DRC3: variants seen among roughly 807,000 people sequenced by gnomAD.
The protein encoded by DRC3 is leucine rich repeat containing 48.
In DRC3, 45 loss-of-function variants were observed where a neutral mutation model predicts 57.6. That is an observed-to-expected ratio of 0.78 (90% CI 0.62 to 1.00). DRC3 has a LOEUF of 1.00. DRC3 is among the 50% of genes least tolerant of loss of function. DRC3 has a pLI of 0.00. For synonymous variants in DRC3, 257 were observed against 272.3 expected, an observed-to-expected ratio of 0.94 and a Z score of 0.55; for missense variants, 655 against 675.2, an observed-to-expected ratio of 0.97 and a Z score of 0.33.
At chr17:17,983,144 A>G (rs1352253244) in intron 3 of DRC3, among the ~76,000 whole-genome samples, 1 of 152,196 alleles carries the variant, frequency 6.6e-6, no homozygotes, top group African/African-American at 2.4e-5. Context: ...TGGTCCTCAC[A>G]GGCCACAGGG....
intron 11 of DRC3, chr17:18,006,776 A>C: frequency 2.1e-6 from 1 of 486,574 alleles, no homozygotes; most frequent in East Asian, 4.1e-5. Flanking sequence ...GTTAACCCAG[A>C]GGCCAGGAGC....
intron 5 of DRC3, chr17:17,988,370 T>C (rs933114804): frequency 6.6e-6 from 3 of 452,192 alleles, no homozygotes; most frequent in Non-Finnish European, 1.2e-5. Flanking sequence ...TAACAAACAT[T>C]TGCTGAGGTA....
At chr17:17,994,174 T>G in intron 6 of DRC3, 125 bp from the exon 7 acceptor site, 1 of 1,297,396 alleles carries the variant, frequency 7.7e-7, no homozygotes, top group Non-Finnish European at 1.0e-6. Flanking sequence ...ACAGCCTTCA[T>G]GCAGGCCCCT....
At chr17:17,977,374 TG>T in intron 2 of DRC3, 1 of 565,614 alleles carries the variant, frequency 1.8e-6, no homozygotes, top group Non-Finnish European at 3.1e-6. Flanking sequence ...TGAAACCCTG[TG>T]GACAGGCCCA....
At position 17,988,082 on chromosome 17, in the gene DRC3, T is replaced by C. The variant is rs749226818; in HGVS notation, c.428T>C (p.Ile143Thr). The C allele has an allele frequency of 1.2e-5, 19 of 1,613,680 alleles. No homozygotes were observed. The Admixed American group carries it at 1.3e-4, about 11-fold the overall frequency. ...LQVLSLGNNRIDNMMNIIYLR... is the reference protein window; with the variant it reads ...LQVLSLGNNRTDNMMNIIYLR... ...GTGTTGTCGCTGGGCAACAACCGGA[T>C]TGACAACATGATGAACGTGAGTGGC... Residue 143 changes from isoleucine to threonine, a missense_variant, in exon 5 of 14, where the codon ATT becomes ACT. By Grantham distance (89) the Ile-to-Thr change is moderately conservative. Coordinates refer to ENST00000399187, the MANE Select transcript of DRC3 (RefSeq NM_031294.4).
chr17:18,010,197 C>T (rs547053734), intron 12 of DRC3, among the ~76,000 whole-genome samples: 1 of 152,338 alleles, frequency 6.6e-6, no homozygotes, highest in African/African-American at 2.4e-5. Flanking sequence ...TCCGCGTTGG[C>T]TTGTCCCTGC....
chr17:18,000,961 A>G (rs945584498), intron 9 of DRC3, among the ~76,000 whole-genome samples: 4 of 152,052 alleles, frequency 2.6e-5, no homozygotes, highest in Admixed American at 6.6e-5. Context: ...AGTGCAGTGC[A>G]CCATTATAGC....
rs757821017 is a variant in DRC3, at chr17:17,997,579, A to T, written c.944A>T (p.Glu315Val). 2.5e-6 allele frequency: 4 copies of T among 1,611,238 alleles called. No individual in the cohort carries two copies. The East Asian group carries it at 6.7e-5, about 27-fold the overall frequency. The change falls in exon 9 of 14, where the codon GAA (glutamate) becomes GTA (valine). Residue 315 changes from glutamate (E) to valine (V), a missense_variant. By Grantham distance (121) the Glu-to-Val change is moderately radical. Coordinates refer to ENST00000399187, the MANE Select transcript of DRC3 (RefSeq NM_031294.4). Reference protein sequence around the residue: ...FSECVREAIQENQEQGKRKIA... With the variant: ...FSECVREAIQVNQEQGKRKIA... ...GAATGTGTCCGTGAGGCCATCCAGG[A>T]AAACCAGGAGCAGGGCAAACGCAAG...
intron 4 of DRC3, among the ~76,000 whole-genome samples, chr17:17,985,993 C>A (rs1266951070): frequency 6.6e-6 from 1 of 152,134 alleles, no homozygotes; most frequent in East Asian, 1.9e-4. Flanking sequence ...CTCACTATAA[C>A]CTCTGCCTCC....
rs189801021 is a variant in DRC3, at chr17:17,975,499, C to T, written c.-18+1537C>T. On this transcript the variant is annotated intron_variant, in intron 2 of 13. Transcript: ENST00000399187. Reference sequence around the variant, plus strand: ...TGCTGGGATTACAAGTGTGAGCCACCGCGCCTGACCTCCCCACCCCCCCCC... The same window carrying T: ...TGCTGGGATTACAAGTGTGAGCCACTGCGCCTGACCTCCCCACCCCCCCCC... Among the ~76,000 whole-genome samples the T allele has an allele frequency of 7.5e-3, 1,136 of 150,710 alleles. 12 individuals are homozygous for T. The highest frequency in any genetic ancestry group is 0.012 in the Non-Finnish European group (833 of 67,862).
chr17:18,003,726 C>T (rs2043838474), intron 9 of DRC3, among the ~76,000 whole-genome samples: 1 of 147,228 alleles, frequency 6.8e-6, no homozygotes, highest in Non-Finnish European at 1.5e-5. Context: ...CACTGCAAGC[C>T]CCACCTCCCA....
rs1171674853 is a variant in DRC3 at position 18,004,396 on chromosome 17, C to G, written c.1033C>G (p.Pro345Ala). The change falls in exon 10 of 14, where the codon CCC becomes GCC. Residue 345 changes from proline (P) to alanine (A), a missense_variant. Physicochemically the swap from Pro to Ala is conservative, Grantham distance 27. Coordinates refer to ENST00000399187, the MANE Select transcript of DRC3 (RefSeq NM_031294.4). ...LSAIREELELPNIEKMILECS... is the reference protein window; with the variant it reads ...LSAIREELELANIEKMILECS... The stretch of plus-strand genomic sequence containing the variant: ...TGCCATTCGAGAGGAGTTGGAACTG[C>G]CCAACATTGAGAAGATGATCCTAGA... The G allele has an allele frequency of 6.2e-7, 1 of 1,607,104 alleles. No individual in the cohort carries two copies. Among genetic ancestry groups the G allele is most frequent in the Non-Finnish European group, 8.5e-7 (1 of 1,176,656 alleles).
intron 4 of DRC3, 111 bp from the exon 5 acceptor site, chr17:17,987,820 TG>T: frequency 8.9e-7 from 1 of 1,126,078 alleles, no homozygotes; most frequent in Non-Finnish European, 1.3e-6. Flanking sequence ...ATTCTGGCCC[TG>T]GCAGCTTGGT....
At chr17:17,987,083 C>T (rs1052887216) in intron 4 of DRC3, among the ~76,000 whole-genome samples, 2 of 151,870 alleles carry the variant, frequency 1.3e-5, no homozygotes, top group South Asian at 4.2e-4. Context: ...GATGTGATGG[C>T]GTATACCTGT....
At chr17:18,016,510 T>C (rs1315452613) in intron 13 of DRC3, 48 bp from the exon 14 acceptor site, 2 of 1,332,640 alleles carry the variant, frequency 1.5e-6, no homozygotes, top group South Asian at 1.2e-5. Context: ...TGAAAGATAT[T>C]AACCAATGAT....
intron 3 of DRC3, among the ~76,000 whole-genome samples, chr17:17,978,628 GA>G (rs1470874262): frequency 2.0e-4 from 30 of 152,338 alleles, no homozygotes; most frequent in African/African-American, 6.5e-4. Flanking sequence ...CAGAGCCAGG[GA>G]CACGACAGTG....
rs5819639 is a variant in DRC3, at chr17:17,975,210, CTTT to C, written c.-18+1263_-18+1265del. Among the ~76,000 whole-genome samples, 112 of 137,998 alleles carry C rather than the reference CTTT, an allele frequency of 8.1e-4. No individual in the cohort carries two copies. The Middle Eastern group carries it at 0.011, about 14-fold the overall frequency. The allele number at this position is 137,998 out of a possible 152,430, so 90.5% of individuals were successfully genotyped here. A position where few individuals can be genotyped will look rare whatever the true frequency, so the allele number is the denominator to read the frequency against. ...AGAGTCATTTCCCAAAGTATAGCAC[CTTT>C]TTTTTTTTTTTTTTCTTGATGGAGT... On this transcript the variant is annotated intron_variant, in intron 2 of 13. Coordinates refer to ENST00000399187, the MANE Select transcript of DRC3 (RefSeq NM_031294.4).
chr17:18,003,992 G>A (rs189653533), intron 9 of DRC3, among the ~76,000 whole-genome samples: 135 of 152,076 alleles, frequency 8.9e-4, no homozygotes, highest in African/African-American at 3.1e-3. Context: ...TGCCAAAGCG[G>A]CATATTTTGG....
rs2044025548 is a variant in DRC3, at chr17:18,007,557, C to A, written c.1326+410C>A. 20 of 1,513,540 alleles carry A rather than the reference C, an allele frequency of 1.3e-5. No homozygotes were observed. In the South Asian group the frequency reaches 2.3e-4, roughly 17 times the overall value. 93.8% of individuals were successfully genotyped at this position (1,513,540 alleles called of 1,614,324 possible). A position where few individuals can be genotyped will look rare whatever the true frequency, so the allele number is the denominator to read the frequency against. ...GGGTGTTGGAACCACCATTTCTGAT[C>A]CTGCACAATGCCATCCGGTTTGCAC... is the stretch of plus-strand genomic sequence containing the variant. On this transcript the variant is annotated intron_variant, in intron 12 of 13. Transcript: ENST00000399187.
Sources: gnomAD v4.1 joint callset for allele counts (sites outside exome capture counted in the v4.1 genomes callset) on GRCh38, gnomAD v4.1.1 for gene constraint, MANE v1.5 for transcripts, NCBI Gene and HGNC (gene_info 2026-07-23, HGNC 2026-07-21) for gene names.